Variants in NCOR2 observed in about 807,000 individuals in gnomAD.
NCOR2 encodes the protein CTG repeat protein 26.
In NCOR2, 81 loss-of-function variants were observed where a neutral mutation model predicts 262.9. That is an observed-to-expected ratio of 0.31 (90% CI 0.26 to 0.37). The LOEUF (loss-of-function observed/expected upper bound fraction) is 0.37. Ranked by LOEUF, NCOR2 falls within the 10% of genes least tolerant of loss-of-function variation. NCOR2 has a pLI of 1.00. For missense variants in NCOR2, 3,385 were observed against 3,621.4 expected, an observed-to-expected ratio of 0.93 and a Z score of 1.68; for synonymous variants, 1,659 against 1,559.3, an observed-to-expected ratio of 1.06 and a Z score of -1.51.
intron 10 of NCOR2, among the ~76,000 whole-genome samples, chr12:124,428,044 A>AGTGTGTGTGTGTGTGTGTGTGT (rs55965573): frequency 0.029 from 3,291 of 112,372 alleles, 250 homozygotes; most frequent in Non-Finnish European, 0.041. Flanking sequence ...CCATGTGGCC[A>AGTGTGTGTGTGTGTGTGTGTGT]GTGTGTGTGT....
In NCOR2 at chr12:124,529,196, A is replaced by AAACAAAAAAAC. The variant is rs1555238613; in HGVS notation, c.-118+6368_-118+6369insGTTTTTTTGTT. Among the ~76,000 whole-genome samples, 23 of 147,170 alleles carry AAACAAAAAAAC rather than the reference A, an allele frequency of 1.6e-4. 1 individual carries two copies. The highest frequency in any genetic ancestry group is 1.3e-3 in the South Asian group (6 of 4,592). On this transcript the variant is annotated intron_variant, in intron 1 of 46. Transcript: ENST00000404621. Reference sequence around the variant, plus strand: ...CTCCGACTCAAAAAAAAAAAAAAAAAAAAAAACACTCACTAATCCTAGCAC... The same window carrying AAACAAAAAAAC: ...CTCCGACTCAAAAAAAAAAAAAAAAAAACAAAAAAACAAAAAACACTCACTAATCCTAGCAC...
rs1233587408 is a variant in NCOR2, at chr12:124,454,213, T to A, written c.762+2893A>T. On this transcript the variant is annotated intron_variant, in intron 6 of 46. Coordinates refer to ENST00000405201, the Ensembl canonical transcript of NCOR2. The surrounding 1 kb of genome is among the most constrained non-coding windows in gnomAD (Gnocchi z 5.6). ...TGCTGTGTGGCCCGGCACAAGGCACTCCTCTCACTGAGCCTCATCCAGAAA... is the reference window on the plus strand; with the variant it reads ...TGCTGTGTGGCCCGGCACAAGGCACACCTCTCACTGAGCCTCATCCAGAAA... 6.6e-6 allele frequency among the ~76,000 whole-genome samples: 1 copy of A among 152,094 alleles called. No individual in the cohort carries two copies. The highest frequency in any genetic ancestry group is 2.4e-5 in the African/African-American group (1 of 41,404).
rs1239532363 is a variant in NCOR2, at chr12:124,378,565, G to A, written c.2020-181C>T. 6.6e-5 allele frequency among the ~76,000 whole-genome samples: 10 copies of A among 152,096 alleles called. No homozygotes were observed. Among genetic ancestry groups the A allele is most frequent in the African/African-American group, 1.9e-4 (8 of 41,424 alleles). On this transcript the variant is annotated intron_variant, in intron 17 of 46. Transcript: ENST00000405201. This position sits in a 1 kb window ranked among gnomAD's most constrained non-coding sequence, Gnocchi z 4.2. The stretch of plus-strand genomic sequence containing the variant: ...AAGCGTGCCAGGGTTTATTTTTACC[G>A]GGGGCTTTATTCTTCCATTGAGCCC...
At chr12:124,563,473 T>G (rs577637503) in intron 1 of NCOR2, among the ~76,000 whole-genome samples, 1 of 152,350 alleles carries the variant, frequency 6.6e-6, no homozygotes, top group African/African-American at 2.4e-5. Flanking sequence ...CCTGGACCTG[T>G]GCCCTCATCT....
intron 41 of NCOR2, 76 bp from the exon 44 acceptor site, chr12:124,333,355 C>G: frequency 1.5e-6 from 2 of 1,320,184 alleles, no homozygotes; most frequent in South Asian, 4.3e-5. Context: ...CACTCTAAAC[C>G]AGGGCCCCAC....
chr12:124,525,228 G>A lies in NCOR2; in HGVS notation c.-118+10337C>T, dbSNP rs758867080. Among the ~76,000 whole-genome samples the A allele has an allele frequency of 2.9e-4, 44 of 152,070 alleles. 1 individual carries two copies. The highest frequency in any genetic ancestry group is 5.6e-4 in the Non-Finnish European group (38 of 68,018). On this transcript the variant is annotated intron_variant, in intron 1 of 46. Transcript: ENST00000404621. ...GAAACATGGTGGCCGGAGGGCCTTCGCGCCTGCTGTTCCCTCATCCCCCTT... is the reference window on the plus strand; with the variant it reads ...GAAACATGGTGGCCGGAGGGCCTTCACGCCTGCTGTTCCCTCATCCCCCTT...
chr12:124,500,390 G>C (rs1172407901), intron 1 of NCOR2, among the ~76,000 whole-genome samples: 1 of 152,210 alleles, frequency 6.6e-6, no homozygotes, highest in East Asian at 1.9e-4. Flanking sequence ...ACTGCACTCT[G>C]CCAGGCAGCA....
intron 1 of NCOR2, among the ~76,000 whole-genome samples, chr12:124,558,785 G>A (rs1009566127): frequency 1.3e-5 from 2 of 152,134 alleles, no homozygotes; most frequent in African/African-American, 4.8e-5. Context: ...GGTCTGCAGG[G>A]ACAATTGCAC....
rs957478590 is a variant in NCOR2, at chr12:124,389,678, C to A, written c.1877-3791G>T. Among the ~76,000 whole-genome samples, 2 of 152,218 alleles carry A rather than the reference C, an allele frequency of 1.3e-5. No homozygotes were observed. The highest frequency in any genetic ancestry group is 2.9e-5 in the Non-Finnish European group (2 of 68,012). ...GACTGTGGGTGGGCAGGGCTAGCCT[C>A]GCATTCCGGAGGGATCCCGGGATTT... On this transcript the variant is annotated intron_variant, in intron 16 of 46. Coordinates refer to ENST00000405201, the Ensembl canonical transcript of NCOR2. The surrounding 1 kb of genome is among the most constrained non-coding windows in gnomAD (Gnocchi z 4.4).
At chr12:124,428,044 A>AGTGTGTGTGTGTGTGTGTATGTGT (rs2043665199) in intron 10 of NCOR2, among the ~76,000 whole-genome samples, 1 of 112,398 alleles carries the variant, frequency 8.9e-6, no homozygotes, top group South Asian at 3.2e-4. Flanking sequence ...CCATGTGGCC[A>AGTGTGTGTGTGTGTGTGTATGTGT]GTGTGTGTGT....
At chr12:124,492,252 C>A (rs2048125977) in intron 1 of NCOR2, among the ~76,000 whole-genome samples, 1 of 152,210 alleles carries the variant, frequency 6.6e-6, no homozygotes, top group African/African-American at 2.4e-5. Context: ...GCGCTTGCTG[C>A]GTGCAGACAT....
In NCOR2 at chr12:124,503,482, G is replaced by A. The variant is rs1285533303; in HGVS notation, c.-117-8114C>T. ...GCATGGACTGATGGATGGATGGATG[G>A]ATGATGGATTGATGGATGGATGGAT... is the stretch of plus-strand genomic sequence containing the variant. On this transcript the variant is annotated intron_variant, in intron 1 of 46. Transcript: ENST00000404621. The surrounding 1 kb of genome is among the most constrained non-coding windows in gnomAD (Gnocchi z 4.3). Among the ~76,000 whole-genome samples the A allele has an allele frequency of 1.4e-5, 2 of 142,774 alleles. No homozygotes were observed. The highest frequency in any genetic ancestry group is 3.0e-5 in the Non-Finnish European group (2 of 66,962). The allele number at this position is 142,774 out of a possible 152,430, so 93.7% of individuals were successfully genotyped here.
In NCOR2 at chr12:124,357,497, T is replaced by C. The variant is rs139231545; in HGVS notation, c.3101-715A>G. 6.6e-5 allele frequency among the ~76,000 whole-genome samples: 10 copies of C among 152,324 alleles called. No homozygotes were observed. In the East Asian group the frequency reaches 1.7e-3, roughly 27 times the overall value. The stretch of plus-strand genomic sequence containing the variant: ...TTTTTGTAGAGATGAGGTCTTGTTA[T>C]GTGTGCCCAGGCTGGTCTTGAACTA... On this transcript the variant is annotated intron_variant, in intron 22 of 46. Coordinates refer to ENST00000405201, the Ensembl canonical transcript of NCOR2.
intron 7 of NCOR2, among the ~76,000 whole-genome samples, chr12:124,445,328 G>T (rs572849668): frequency 6.6e-6 from 1 of 152,162 alleles, no homozygotes; most frequent in African/African-American, 2.4e-5. Context: ...GCCCCTCTGC[G>T]GCTGCCCCGG....
At chr12:124,345,334 C>T (rs2036828472) in intron 31 of NCOR2, among the ~76,000 whole-genome samples, 2 of 152,142 alleles carry the variant, frequency 1.3e-5, no homozygotes, top group South Asian at 2.1e-4. Context: ...ATGGCCCACC[C>T]AATGCCAAGC....
chr12:124,367,700 T>C (rs1024107442), intron 20 of NCOR2, among the ~76,000 whole-genome samples: 1 of 152,176 alleles, frequency 6.6e-6, no homozygotes, highest in Non-Finnish European at 1.5e-5. Flanking sequence ...TGGCACAATC[T>C]TGGCTCACTG....
intron 7 of NCOR2, among the ~76,000 whole-genome samples, 192 bp downstream of exon 9, chr12:124,449,623 C>T (rs779984346): frequency 1.3e-5 from 2 of 151,934 alleles, no homozygotes; most frequent in African/African-American, 4.8e-5. Context: ...CAGGGGGACA[C>T]TCTCTCTGCT....
chr12:124,479,160 C>T (rs1362110010), intron 3 of NCOR2, among the ~76,000 whole-genome samples: 6 of 152,258 alleles, frequency 3.9e-5, no homozygotes, highest in Non-Finnish European at 8.8e-5. Context: ...TGGGGGACAA[C>T]TGCCCACTCA....
At chr12:124,545,531 C>G (rs1216447207) in intron 1 of NCOR2, among the ~76,000 whole-genome samples, 18 of 152,152 alleles carry the variant, frequency 1.2e-4, no homozygotes, top group Admixed American at 1.2e-3. Flanking sequence ...GAAGCCCCCA[C>G]CACACAGATG....
Sources: gnomAD v4.1 joint callset for allele counts (sites outside exome capture counted in the v4.1 genomes callset) on GRCh38, gnomAD v4.1.1 for gene constraint, Gnocchi (gnomAD v3.1) non-coding constraint, MANE v1.5 for transcripts, NCBI Gene and HGNC (gene_info 2026-07-23, HGNC 2026-07-21) for gene names.